SORCS1: variants seen among roughly 807,000 people sequenced by gnomAD.
The protein encoded by SORCS1 is sortilin related VPS10 domain containing receptor 1.
SORCS1 carries 60 observed loss-of-function variants against 146.1 expected under a neutral mutation model. The ratio of observed to expected loss-of-function variants is 0.41; its 90% CI spans 0.33 to 0.51. The LOEUF (loss-of-function observed/expected upper bound fraction) is 0.51. Among genes scored for constraint, SORCS1 ranks in the 20% least tolerant of loss-of-function variants. The pLI is 0.21. For synonymous variants in SORCS1, 637 were observed against 584.0 expected (o/e 1.09, Z -1.31); for missense variants, 1,352 against 1,487.6 (o/e 0.91, Z 1.50).
intron 15 of SORCS1, among the ~76,000 whole-genome samples, chr10:106,672,553 A>C (rs1363285774): frequency 6.6e-6 from 1 of 152,220 alleles, no homozygotes; most frequent in Non-Finnish European, 1.5e-5. Context: ...CCCACCATGC[A>C]ACCATATGAC....
chr10:106,681,365 A>G (rs1852421396), intron 10 of SORCS1, among the ~76,000 whole-genome samples: 1 of 152,222 alleles, frequency 6.6e-6, no homozygotes, highest in South Asian at 2.1e-4. Context: ...TATCTATTTC[A>G]GGTACATACA....
chr10:106,784,011 G>A (rs1190127871), intron 3 of SORCS1, among the ~76,000 whole-genome samples: 1 of 152,086 alleles, frequency 6.6e-6, no homozygotes, highest in Non-Finnish European at 1.5e-5. Flanking sequence ...TCATTTTACT[G>A]GAGAAATTGC....
chr10:106,626,009 G>A (rs148738129), intron 19 of SORCS1, among the ~76,000 whole-genome samples: 176 of 152,188 alleles, frequency 1.2e-3, no homozygotes, highest in African/African-American at 4.0e-3. Context: ...ATTACCAGGC[G>A]CCCAGCAAGA....
intron 1 of SORCS1, among the ~76,000 whole-genome samples, chr10:107,139,950 T>A (rs1247156125): frequency 6.6e-6 from 1 of 152,204 alleles, no homozygotes; most frequent in African/African-American, 2.4e-5. Context: ...AAGTAATTTC[T>A]TTGAAGTCAC....
intron 18 of SORCS1, among the ~76,000 whole-genome samples, chr10:106,640,079 T>G (rs1031344347): frequency 6.6e-6 from 1 of 152,110 alleles, no homozygotes; most frequent in African/African-American, 2.4e-5. Context: ...TAACCCTTTG[T>G]GCCACCACTA....
At chr10:106,793,274 G>A (rs992943535) in intron 3 of SORCS1, among the ~76,000 whole-genome samples, 1 of 152,186 alleles carries the variant, frequency 6.6e-6, no homozygotes, top group African/African-American at 2.4e-5. Flanking sequence ...GAATAAGTAG[G>A]AAAGATTCGT....
At chr10:106,608,097 A>C (rs1846733516) in intron 22 of SORCS1, among the ~76,000 whole-genome samples, 1 of 152,184 alleles carries the variant, frequency 6.6e-6, no homozygotes, top group Non-Finnish European at 1.5e-5. Context: ...CAATAGCTAT[A>C]ATCCCAGCTT....
chr10:107,064,980 G>C lies in SORCS1; in HGVS notation c.558+98989C>G, dbSNP rs192841465. ...AGAGAACCTGAGGGAAGGCAACTCC[G>C]GCCCCCAAGCACTGTTTCCCTGGGA... On this transcript the variant is annotated intron_variant, in intron 1 of 25. Transcript: ENST00000263054. Among the ~76,000 whole-genome samples, 4 of 152,208 alleles carry C rather than the reference G, an allele frequency of 2.6e-5. No individual in the cohort carries two copies. The South Asian group carries it at 8.3e-4, about 32-fold the overall frequency.
intron 1 of SORCS1, among the ~76,000 whole-genome samples, chr10:107,104,676 C>A (rs974811623): frequency 6.6e-6 from 1 of 152,222 alleles, no homozygotes; most frequent in African/African-American, 2.4e-5. Flanking sequence ...TGGAAAAGTA[C>A]TTAGCCTCAC....
intron 5 of SORCS1, among the ~76,000 whole-genome samples, chr10:106,743,769 T>C (rs144840437): frequency 2.7e-3 from 410 of 152,230 alleles, no homozygotes; most frequent in Middle Eastern, 0.017. Flanking sequence ...AACACCGCTG[T>C]GAAAAATCTG....
intron 24 of SORCS1, among the ~76,000 whole-genome samples, chr10:106,582,741 C>T (rs1246451550): frequency 6.6e-6 from 1 of 152,180 alleles, no homozygotes; most frequent in East Asian, 1.9e-4. Flanking sequence ...ACCAGCAGTA[C>T]TCCAAGTGAC....
At chr10:106,597,787 T>C (rs551780674) in intron 23 of SORCS1, among the ~76,000 whole-genome samples, 3 of 152,214 alleles carry the variant, frequency 2.0e-5, no homozygotes, top group Non-Finnish European at 4.4e-5. Context: ...AAAAGAAGTA[T>C]ATACAATTTA....
intron 5 of SORCS1, among the ~76,000 whole-genome samples, chr10:106,737,963 T>G (rs1192869145): frequency 1.3e-5 from 2 of 152,246 alleles, no homozygotes; most frequent in African/African-American, 2.4e-5. Flanking sequence ...ATGTACTCAA[T>G]AATATATCTT....
intron 2 of SORCS1, among the ~76,000 whole-genome samples, chr10:106,887,359 G>C (rs1181761725): frequency 2.0e-5 from 3 of 152,128 alleles, no homozygotes; most frequent in Non-Finnish European, 4.4e-5. Flanking sequence ...TAGAAATCAA[G>C]ATGGCAAAAT....
chr10:106,578,912 G>A (rs1419291375), intron 25 of SORCS1: 14 of 1,421,910 alleles, frequency 9.8e-6, no homozygotes, highest in Non-Finnish European at 1.3e-5. Context: ...AGAAGCAAGA[G>A]GTTTGTTTGT....
chr10:106,690,384 C>T, intron 9 of SORCS1, among the ~76,000 whole-genome samples: 1 of 152,240 alleles, frequency 6.6e-6, no homozygotes, highest in Non-Finnish European at 1.5e-5. Context: ...GTGACAATAA[C>T]TGCAGAAGGA....
intron 1 of SORCS1, among the ~76,000 whole-genome samples, chr10:106,957,752 A>T (rs1955033127): frequency 6.6e-6 from 1 of 152,214 alleles, no homozygotes; most frequent in Non-Finnish European, 1.5e-5. Flanking sequence ...AATTTAAGCT[A>T]TATTCGCTCC....
chr10:106,604,926 A>C (rs928793581), intron 23 of SORCS1, among the ~76,000 whole-genome samples: 1 of 152,246 alleles, frequency 6.6e-6, no homozygotes, highest in Non-Finnish European at 1.5e-5. Flanking sequence ...CCCATGAGAT[A>C]AGTGTGACTT....
chr10:106,933,642 C>T lies in SORCS1; in HGVS notation c.626+22871G>A, dbSNP rs190677833. Among the ~76,000 whole-genome samples, 23 of 151,976 alleles carry T rather than the reference C, an allele frequency of 1.5e-4. 1 individual carries two copies. Among genetic ancestry groups the T allele is most frequent in the Admixed American group, 5.2e-4 (8 of 15,280 alleles). On this transcript the variant is annotated intron_variant, in intron 2 of 25. Coordinates refer to ENST00000263054, the MANE Select transcript of SORCS1 (RefSeq NM_052918.5). ...ACAGACAGTTGTATCCAGGATGCCCCCCCACCCCCAGCTATGGCAGAGGAA... is the reference window on the plus strand; with the variant it reads ...ACAGACAGTTGTATCCAGGATGCCCTCCCACCCCCAGCTATGGCAGAGGAA...
Sources: allele counts gnomAD v4.1 joint callset (sites outside exome capture counted in the v4.1 genomes callset), GRCh38; gene constraint gnomAD v4.1.1; transcripts MANE v1.5; gene names NCBI Gene and HGNC (gene_info 2026-07-23, HGNC 2026-07-21).